CYP2C19: variants seen among roughly 807,000 people sequenced by gnomAD.
CYP2C19 encodes the protein cytochrome P450 family 2 subfamily C member 19.
In CYP2C19, 59 loss-of-function variants were observed where a neutral mutation model predicts 40.9. That is an observed-to-expected ratio of 1.44 (90% CI 1.17 to 1.79). The LOEUF (loss-of-function observed/expected upper bound fraction) is 1.79, where lower values mean the gene tolerates loss of function less well. Among genes scored for constraint, CYP2C19 ranks in the 40% most tolerant of loss-of-function variants. The pLI is 0.00. For missense variants in CYP2C19, 754 were observed against 596.9 expected (o/e 1.26, Z -2.74); for synonymous variants, 253 against 208.7 (o/e 1.21, Z -1.83).
intron 6 of CYP2C19, among the ~76,000 whole-genome samples, chr10:94,827,038 T>A (rs1418624467): frequency 2.0e-5 from 3 of 152,128 alleles, no homozygotes; most frequent in Non-Finnish European, 4.4e-5. Flanking sequence ...GATAAGCTTT[T>A]TGATGTGCTG....
intron 7 of CYP2C19, 51 bp downstream of exon 7, chr10:94,843,075 T>C: frequency 6.2e-7 from 1 of 1,600,200 alleles, no homozygotes; most frequent in Non-Finnish European, 8.6e-7. Context: ...ATTCCTCAAA[T>C]TCACAGTATG....
At chr10:94,834,556 CTT>C (rs75883570) in intron 6 of CYP2C19, among the ~76,000 whole-genome samples, 5 of 141,378 alleles carry the variant, frequency 3.5e-5, no homozygotes, top group African/African-American at 1.0e-4. Context: ...TTTCTTTTTT[CTT>C]TTTTTTTTTT....
chr10:94,763,002 G>A (rs565927453), intron 1 of CYP2C19, 129 bp downstream of exon 1: 1 of 982,324 alleles, frequency 1.0e-6, no homozygotes, highest in South Asian at 1.5e-5. Flanking sequence ...AAAGGCTTTT[G>A]TTGCCTTTTC....
At chr10:94,826,513 C>T (rs939723404) in intron 6 of CYP2C19, among the ~76,000 whole-genome samples, 2 of 152,026 alleles carry the variant, frequency 1.3e-5, no homozygotes, top group Admixed American at 6.6e-5. Flanking sequence ...GATTTTGTAT[C>T]CTGAGACTTT....
chr10:94,786,880 T>C (rs1363856808), intron 5 of CYP2C19, among the ~76,000 whole-genome samples: 1 of 152,190 alleles, frequency 6.6e-6, no homozygotes, highest in Admixed American at 6.5e-5. Context: ...ATAGTGTATA[T>C]ATACCACATT....
chr10:94,841,299 C>T (rs933195896), intron 6 of CYP2C19, among the ~76,000 whole-genome samples: 13 of 152,160 alleles, frequency 8.5e-5, no homozygotes, highest in Non-Finnish European at 1.8e-4. Flanking sequence ...TTAGCCCTAT[C>T]GGGAATGGCA....
At chr10:94,804,132 G>A (rs1300926008) in intron 5 of CYP2C19, among the ~76,000 whole-genome samples, 3 of 152,156 alleles carry the variant, frequency 2.0e-5, no homozygotes, top group Non-Finnish European at 2.9e-5. Flanking sequence ...TCTGCTTTGA[G>A]GATGGAATGG....
intron 7 of CYP2C19, among the ~76,000 whole-genome samples, chr10:94,846,833 C>T (rs1448186702): frequency 1.3e-5 from 2 of 150,946 alleles, no homozygotes; most frequent in Non-Finnish European, 3.0e-5. Context: ...TGCTATCTTT[C>T]TGTATTTTTA....
In CYP2C19 at chr10:94,843,035, T is replaced by G; in HGVS notation, c.1149+11T>G. ...TACCTCATTCCCAAGGTAAGTTTGT[T>G]TCTCCTACACTGCAACTCCATGTTC... On this transcript the variant is annotated intron_variant, in intron 7 of 8. Coordinates refer to ENST00000371321, the MANE Select transcript of CYP2C19 (RefSeq NM_000769.4). 3 of 1,613,916 alleles carry G rather than the reference T, an allele frequency of 1.9e-6. No individual in the cohort carries two copies. The highest frequency in any genetic ancestry group is 2.5e-6 in the Non-Finnish European group (3 of 1,179,772).
intron 7 of CYP2C19, among the ~76,000 whole-genome samples, chr10:94,849,408 C>A (rs1849618075): frequency 6.7e-6 from 1 of 149,822 alleles, no homozygotes; most frequent in South Asian, 2.2e-4. Flanking sequence ...TTTAAATTAG[C>A]TGGTCAGAAG....
At chr10:94,803,897 T>C (rs558558440) in intron 5 of CYP2C19, among the ~76,000 whole-genome samples, 2 of 152,278 alleles carry the variant, frequency 1.3e-5, no homozygotes, top group African/African-American at 4.8e-5. Context: ...GAGATCTGCC[T>C]GGATATGGAG....
At chr10:94,795,283 T>C (rs1311574949) in intron 5 of CYP2C19, among the ~76,000 whole-genome samples, 4 of 151,648 alleles carry the variant, frequency 2.6e-5, no homozygotes, top group African/African-American at 9.7e-5. Flanking sequence ...CATAGTTTGC[T>C]GAGAATGATG....
chr10:94,834,452 T>G (rs1226527126), intron 6 of CYP2C19, among the ~76,000 whole-genome samples: 4 of 152,152 alleles, frequency 2.6e-5, no homozygotes, highest in African/African-American at 9.6e-5. Flanking sequence ...AACTTTTTGT[T>G]GCATTGACAT....
rs190795394 is a variant in CYP2C19, at chr10:94,786,806, T to C, written c.819+4809T>C. Among the ~76,000 whole-genome samples the C allele has an allele frequency of 3.2e-4, 49 of 152,246 alleles. 1 individual carries two copies. The highest frequency in any genetic ancestry group is 2.9e-3 in the Admixed American group (44 of 15,274). On this transcript the variant is annotated intron_variant, in intron 5 of 8. Transcript: ENST00000371321. ...TGCTGCATTAATTCTCTCAAGACAA[T>C]GGCCTCCAGCTGCATCTATGTTGCT...
chr10:94,834,386 T>C (rs1456993210), intron 6 of CYP2C19, among the ~76,000 whole-genome samples: 2 of 152,128 alleles, frequency 1.3e-5, no homozygotes, highest in African/African-American at 4.8e-5. Context: ...TGAAACTTCT[T>C]TTTTTTCTTA....
intron 5 of CYP2C19, among the ~76,000 whole-genome samples, chr10:94,811,298 C>A (rs924615242): frequency 6.6e-6 from 1 of 151,986 alleles, no homozygotes; most frequent in Non-Finnish European, 1.5e-5. Flanking sequence ...GTTTTACTTC[C>A]AATTATGTGG....
intron 7 of CYP2C19, among the ~76,000 whole-genome samples, chr10:94,843,966 T>G (rs138561594): frequency 5.0e-4 from 76 of 152,336 alleles, no homozygotes; most frequent in Admixed American, 7.8e-4. Context: ...GAAATAAATA[T>G]AAATAGAAAT....
chr10:94,803,328 C>T (rs1848791189), intron 5 of CYP2C19, among the ~76,000 whole-genome samples: 1 of 152,060 alleles, frequency 6.6e-6, no homozygotes, highest in African/African-American at 2.4e-5. Context: ...AATTCCATAG[C>T]TGTGTTTACT....
intron 1 of CYP2C19, among the ~76,000 whole-genome samples, chr10:94,765,595 C>T (rs540972127): frequency 6.6e-6 from 1 of 152,108 alleles, no homozygotes; most frequent in African/African-American, 2.4e-5. Context: ...TACTAGGAAC[C>T]ATTCAAGAGA....
Sources: gnomAD v4.1 joint callset for allele counts (sites outside exome capture counted in the v4.1 genomes callset) on GRCh38, gnomAD v4.1.1 for gene constraint, MANE v1.5 for transcripts, NCBI Gene and HGNC (gene_info 2026-07-23, HGNC 2026-07-21) for gene names.